The following RBFOX1 variants were observed in gnomAD, a reference collection of about 807,000 sequenced individuals.
RBFOX1 encodes RNA binding fox-1 homolog 1, also known as RNA binding protein fox-1 homolog 1.
In RBFOX1, 8 loss-of-function variants were observed where a neutral mutation model predicts 57.7. That is an observed-to-expected ratio of 0.14 (90% CI 0.08 to 0.25). The LOEUF (loss-of-function observed/expected upper bound fraction) is 0.25, where lower values mean the gene tolerates loss of function less well. RBFOX1 is among the 10% of genes least tolerant of loss of function. The pLI is 1.00. For missense variants in RBFOX1, 611 were observed against 548.5 expected, an observed-to-expected ratio of 1.11 and a Z score of -1.14; for synonymous variants, 326 against 222.4, an observed-to-expected ratio of 1.47 and a Z score of -4.15.
At chr16:6,220,232 A>G (rs1598479142) in intron 1 of RBFOX1, among the ~76,000 whole-genome samples, 1 of 152,028 alleles carries the variant, frequency 6.6e-6, no homozygotes, top group Non-Finnish European at 1.5e-5. Flanking sequence ...CTATCCATTT[A>G]TCGTCTATTT....
At chr16:6,351,323 CGTGTGTGTGTGT>C (rs71406370) in intron 2 of RBFOX1, among the ~76,000 whole-genome samples, 126 of 112,930 alleles carry the variant, frequency 1.1e-3, no homozygotes, top group African/African-American at 3.7e-3. Context: ...ATATATATAA[CGTGTGTGTGTGT>C]GTGTGTGTGT....
intron 2 of RBFOX1, among the ~76,000 whole-genome samples, chr16:5,476,956 A>G (rs1338330894): frequency 6.6e-6 from 1 of 152,188 alleles, no homozygotes; most frequent in African/African-American, 2.4e-5. Context: ...TTTGTAACTG[A>G]TGTTATCTGT....
intron 4 of RBFOX1, among the ~76,000 whole-genome samples, chr16:7,425,227 C>T (rs1313983659): frequency 6.6e-6 from 1 of 152,152 alleles, no homozygotes; most frequent in Non-Finnish European, 1.5e-5. Context: ...TTTAATGCTT[C>T]ATTTACAGCA....
chr16:6,673,263 C>A lies in RBFOX1; in HGVS notation c.-16+18613C>A, dbSNP rs74590503. On this transcript the variant is annotated intron_variant, in intron 3 of 15. Coordinates refer to ENST00000550418, the MANE Select transcript of RBFOX1 (RefSeq NM_018723.4). ...TCTGATCCCAAAGGTCCCTCATATCCCTGTACGAAGTTGCAAGTACCAGTC... is the reference window on the plus strand; with the variant it reads ...TCTGATCCCAAAGGTCCCTCATATCACTGTACGAAGTTGCAAGTACCAGTC... Among the ~76,000 whole-genome samples, 539 of 152,150 alleles carry A rather than the reference C, an allele frequency of 3.5e-3. 4 individuals carry two copies. Among genetic ancestry groups the A allele is most frequent in the African/African-American group, 0.012 (513 of 41,486 alleles).
intron 3 of RBFOX1, among the ~76,000 whole-genome samples, chr16:5,771,405 T>C (rs2151677183): frequency 6.6e-6 from 1 of 152,156 alleles, no homozygotes; most frequent in East Asian, 1.9e-4. Context: ...ATTGTGTTTG[T>C]TTTGTTTTGT....
intron 2 of RBFOX1, among the ~76,000 whole-genome samples, chr16:6,525,779 G>A (rs1198025181): frequency 6.6e-6 from 1 of 151,902 alleles, no homozygotes; most frequent in Admixed American, 6.6e-5. Context: ...AATTTTATAG[G>A]GTCATGAATC....
chr16:6,461,669 G>A (rs1246429826), intron 2 of RBFOX1, among the ~76,000 whole-genome samples: 7 of 152,026 alleles, frequency 4.6e-5, no homozygotes, highest in Admixed American at 1.3e-4. Flanking sequence ...ACATGATTTT[G>A]TTTTGACAGA....
chr16:7,139,228 G>C (rs1178249056), intron 4 of RBFOX1, among the ~76,000 whole-genome samples: 1 of 151,366 alleles, frequency 6.6e-6, no homozygotes, highest in Non-Finnish European at 1.5e-5. Context: ...GTGTGTGTCT[G>C]CTCCTCCTCT....
At chr16:6,468,210 A>T (rs569114701) in intron 2 of RBFOX1, among the ~76,000 whole-genome samples, 1 of 152,256 alleles carries the variant, frequency 6.6e-6, no homozygotes, top group African/African-American at 2.4e-5. Context: ...TTGGAGAGCT[A>T]TTTGGCCTAT....
At chr16:7,164,843 A>G (rs1272454622) in intron 4 of RBFOX1, among the ~76,000 whole-genome samples, 2 of 152,128 alleles carry the variant, frequency 1.3e-5, no homozygotes, top group Admixed American at 6.5e-5. Flanking sequence ...CTTTGTAGAC[A>G]TTGTCAGGTA....
intron 1 of RBFOX1, among the ~76,000 whole-genome samples, chr16:6,300,766 C>T (rs1465375614): frequency 6.6e-6 from 1 of 152,180 alleles, no homozygotes; most frequent in Non-Finnish European, 1.5e-5. Context: ...ACAGTTGCCA[C>T]TTTTACCAAG....
intron 3 of RBFOX1, among the ~76,000 whole-genome samples, chr16:6,770,101 A>G (rs2078042425): frequency 2.0e-5 from 3 of 152,346 alleles, no homozygotes; most frequent in East Asian, 1.9e-4. Context: ...GAAAGGAAAG[A>G]AAAACAAGGA....
At chr16:6,709,457 A>T (rs1177665601) in intron 3 of RBFOX1, among the ~76,000 whole-genome samples, 2 of 152,248 alleles carry the variant, frequency 1.3e-5, no homozygotes, top group Non-Finnish European at 2.9e-5. Flanking sequence ...TGAGTTCTTC[A>T]TACAATATAG....
intron 4 of RBFOX1, among the ~76,000 whole-genome samples, chr16:5,986,801 T>TG (rs1408922414): frequency 3.3e-5 from 5 of 152,192 alleles, no homozygotes; most frequent in Non-Finnish European, 5.9e-5. Flanking sequence ...GTGGGTTGTT[T>TG]GGGGGTACTG....
At chr16:7,543,630 G>A in intron 5 of RBFOX1, among the ~76,000 whole-genome samples, 1 of 151,158 alleles carries the variant, frequency 6.6e-6, no homozygotes, top group Non-Finnish European at 1.5e-5. Context: ...CTTAACAGCT[G>A]TATTTTATTG....
intron 2 of RBFOX1, among the ~76,000 whole-genome samples, chr16:6,421,275 C>T (rs142965900): frequency 1.3e-5 from 2 of 152,194 alleles, no homozygotes; most frequent in Admixed American, 1.3e-4. Context: ...TGGAGCCGCT[C>T]TCTATGGGAG....
intron 3 of RBFOX1, among the ~76,000 whole-genome samples, chr16:6,951,978 G>T (rs2080863334): frequency 6.6e-6 from 1 of 152,090 alleles, no homozygotes; most frequent in South Asian, 2.1e-4. Context: ...TCTTGATGGG[G>T]GCATGGCAAC....
chr16:6,864,989 CTTTTTCTTTTT>C (rs1309969825), intron 3 of RBFOX1, among the ~76,000 whole-genome samples: 1,058 of 105,708 alleles, frequency 0.01, 8 homozygotes, highest in African/African-American at 0.038. Flanking sequence ...GTGGGTTTTT[CTTTTTCTTTTT>C]TTTTTTTTTT....
At chr16:6,419,554 G>A (rs1246415663) in intron 2 of RBFOX1, among the ~76,000 whole-genome samples, 1 of 152,188 alleles carries the variant, frequency 6.6e-6, no homozygotes, top group Non-Finnish European at 1.5e-5. Flanking sequence ...AAGCAGTGGA[G>A]GCAGAGGAGA....
Sources: gnomAD v4.1 joint callset for allele counts (sites outside exome capture counted in the v4.1 genomes callset) on GRCh38, gnomAD v4.1.1 for gene constraint, MANE v1.5 for transcripts, NCBI Gene and HGNC (gene_info 2026-07-23, HGNC 2026-07-21) for gene names.